ADCY2: variants seen among roughly 807,000 people sequenced by gnomAD.
ADCY2 encodes the protein adenylate cyclase 2.
Under a neutral mutation model 125.2 loss-of-function variants are expected in ADCY2, and 31 were observed. The ratio of observed to expected loss-of-function variants is 0.25; its 90% confidence interval spans 0.19 to 0.33. The LOEUF (loss-of-function observed/expected upper bound fraction) is 0.33. Ranked by LOEUF, ADCY2 falls within the 10% of genes least tolerant of loss-of-function variation. The probability of loss-of-function intolerance (pLI) is 1.00; values close to 1 mark genes in which losing one functional copy is unlikely to be tolerated. For synonymous variants in ADCY2, 512 were observed against 548.4 expected, an observed-to-expected ratio of 0.93 and a Z score of 0.93; for missense variants, 904 against 1,418.2, an observed-to-expected ratio of 0.64 and a Z score of 5.82.
At chr5:7,765,174 A>G (rs1743340901) in intron 16 of ADCY2, among the ~76,000 whole-genome samples, 1 of 152,192 alleles carries the variant, frequency 6.6e-6, no homozygotes, top group African/African-American at 2.4e-5. Flanking sequence ...CCTATAGGTG[A>G]TATATAATCA....
chr5:7,552,308 T>C (rs1325631929), intron 3 of ADCY2, among the ~76,000 whole-genome samples: 1 of 152,220 alleles, frequency 6.6e-6, no homozygotes, highest in Non-Finnish European at 1.5e-5. Context: ...AAAATCCATC[T>C]GAAAATGAGG....
intron 14 of ADCY2, among the ~76,000 whole-genome samples, chr5:7,742,084 G>C (rs1382237593): frequency 1.3e-5 from 2 of 150,330 alleles, no homozygotes; most frequent in Non-Finnish European, 3.0e-5. Flanking sequence ...TTATGAATCT[G>C]GCATTACCTT....
At chr5:7,789,221 A>G (rs1744176943) in intron 19 of ADCY2, among the ~76,000 whole-genome samples, 1 of 152,264 alleles carries the variant, frequency 6.6e-6, no homozygotes, top group African/African-American at 2.4e-5. Flanking sequence ...GCTAAAGGCA[A>G]ACTGCCATAA....
At chr5:7,774,132 G>A (rs1032602207) in intron 18 of ADCY2, among the ~76,000 whole-genome samples, 1 of 152,146 alleles carries the variant, frequency 6.6e-6, no homozygotes, top group Non-Finnish European at 1.5e-5. Context: ...CTGGAGACCC[G>A]GTGTTAGGAA....
At chr5:7,490,044 G>A (rs1025392721) in intron 2 of ADCY2, among the ~76,000 whole-genome samples, 1 of 152,120 alleles carries the variant, frequency 6.6e-6, no homozygotes, top group Non-Finnish European at 1.5e-5. Context: ...AAGGAATGTA[G>A]TGGTAAAAAT....
chr5:7,712,963 T>C, intron 11 of ADCY2, 64 bp downstream of exon 11: 1 of 1,209,798 alleles, frequency 8.3e-7, no homozygotes, highest in African/African-American at 1.5e-5. Flanking sequence ...TGAGAGTAAT[T>C]ATCATCAATT....
chr5:7,719,669 G>C (rs1741700625), intron 12 of ADCY2, among the ~76,000 whole-genome samples: 1 of 152,140 alleles, frequency 6.6e-6, no homozygotes. Flanking sequence ...ATGGTGGTAG[G>C]GAGCTCTCTG....
At chr5:7,791,591 A>C (rs972317231) in intron 20 of ADCY2, among the ~76,000 whole-genome samples, 1 of 152,062 alleles carries the variant, frequency 6.6e-6, no homozygotes, top group Admixed American at 6.6e-5. Flanking sequence ...CCTGGTGTTT[A>C]CTACATTTGG....
chr5:7,732,464 T>C (rs1359071582), intron 14 of ADCY2, among the ~76,000 whole-genome samples: 1 of 152,218 alleles, frequency 6.6e-6, no homozygotes, highest in African/African-American at 2.4e-5. Context: ...TAGTCCCTGG[T>C]TTCTCCTGGG....
At chr5:7,650,249 A>ACACACACAC (rs1561144887) in intron 4 of ADCY2, among the ~76,000 whole-genome samples, 12 of 87,806 alleles carry the variant, frequency 1.4e-4, no homozygotes, top group Non-Finnish European at 2.8e-4. Context: ...CACACACACA[A>ACACACACAC]ACGCACATTC....
At chr5:7,471,942 C>T (rs1458999973) in intron 2 of ADCY2, among the ~76,000 whole-genome samples, 1 of 151,964 alleles carries the variant, frequency 6.6e-6, no homozygotes, top group Non-Finnish European at 1.5e-5. Flanking sequence ...TTTTCACCTT[C>T]CCTGGAGGCC....
intron 1 of ADCY2, among the ~76,000 whole-genome samples, chr5:7,401,992 C>T (rs1276358246): frequency 6.6e-6 from 1 of 152,168 alleles, no homozygotes; most frequent in African/African-American, 2.4e-5. Flanking sequence ...TTTAGAGCAC[C>T]TGGGTTGGGG....
intron 19 of ADCY2, among the ~76,000 whole-genome samples, chr5:7,787,397 C>T (rs115865086): frequency 0.011 from 1,674 of 152,344 alleles, 28 homozygotes; most frequent in African/African-American, 0.039. Context: ...ATGATATTAT[C>T]CTGAGATCTT....
chr5:7,745,354 G>A (rs1391795005), intron 15 of ADCY2, among the ~76,000 whole-genome samples: 3 of 152,170 alleles, frequency 2.0e-5, no homozygotes, highest in Admixed American at 2.0e-4. Context: ...TTTGTTTACT[G>A]TTTGATAGTT....
chr5:7,775,433 C>T (rs1368133101), intron 18 of ADCY2, among the ~76,000 whole-genome samples: 2 of 151,872 alleles, frequency 1.3e-5, no homozygotes, highest in Admixed American at 1.3e-4. Context: ...CTCTGTTGCC[C>T]AGGCTGGAGT....
intron 13 of ADCY2, among the ~76,000 whole-genome samples, chr5:7,725,610 A>G (rs1741907322): frequency 6.6e-6 from 1 of 152,234 alleles, no homozygotes; most frequent in African/African-American, 2.4e-5. Context: ...TTTAGCAAAT[A>G]TTAATGGCTA....
chr5:7,699,285 G>A (rs1741002391), intron 7 of ADCY2, among the ~76,000 whole-genome samples: 2 of 149,912 alleles, frequency 1.3e-5, no homozygotes, highest in Non-Finnish European at 3.0e-5. Flanking sequence ...TTTTAGTAGA[G>A]ACGGGGTTTC....
chr5:7,513,106 C>CACACACAG (rs777343291), intron 2 of ADCY2, among the ~76,000 whole-genome samples: 162 of 138,468 alleles, frequency 1.2e-3, no homozygotes, highest in Middle Eastern at 7.6e-3. Flanking sequence ...CACACACACA[C>CACACACAG]AGAGAGAGAG....
chr5:7,512,757 G>A (rs1473027295), intron 2 of ADCY2, among the ~76,000 whole-genome samples: 3 of 152,194 alleles, frequency 2.0e-5, no homozygotes, highest in Non-Finnish European at 4.4e-5. Flanking sequence ...AGCTGAGCCA[G>A]TGGAGCTCAG....
Sources: allele counts gnomAD v4.1 joint callset (sites outside exome capture counted in the v4.1 genomes callset), GRCh38; gene constraint gnomAD v4.1.1; transcripts MANE v1.5; gene names NCBI Gene and HGNC (gene_info 2026-07-23, HGNC 2026-07-21).